The following HERC1 variants were observed in gnomAD, a reference collection of about 807,000 sequenced individuals.
The protein encoded by HERC1 is probable E3 ubiquitin-protein ligase HERC1.
HERC1 carries 160 observed loss-of-function variants against 554.3 expected under a neutral mutation model. That is an observed-to-expected ratio of 0.29 (90% CI 0.25 to 0.33). The LOEUF (loss-of-function observed/expected upper bound fraction) is 0.33, where lower values mean the gene tolerates loss of function less well. Ranked by LOEUF, HERC1 falls within the 10% of genes least tolerant of loss-of-function variation. The pLI, the probability that HERC1 is intolerant of heterozygous loss-of-function variation, is 1.00. For synonymous variants in HERC1, 2,175 were observed against 2,131.7 expected (o/e 1.02, Z -0.56); for missense variants, 4,919 against 5,918.5 (o/e 0.83, Z 5.54).
rs575945102 is a variant in HERC1, at chr15:63,643,488, A to T, written c.11247T>A (p.Pro3749=). The part of the protein sequence containing the change: ...CVYQLRGHIT[P]VRTVAFSSDG... ...CAGAACTAAAGGCAACAGTCCGAAC[A>T]GGAGTGATGTGTCCCCGCAGCTGAT... The change falls in exon 58 of 78, where the codon CCT becomes CCA. Residue 3749 remains proline (P), a synonymous_variant. Coordinates refer to ENST00000443617, the MANE Select transcript of HERC1 (RefSeq NM_003922.4). 1.9e-6 allele frequency: 3 copies of T among 1,612,208 alleles called. No homozygotes were observed. Among genetic ancestry groups the T allele is most frequent in the South Asian group, 2.2e-5 (2 of 90,704 alleles).
chr15:63,613,666 T>TTA (rs1182120786), intron 76 of HERC1, among the ~76,000 whole-genome samples: 3 of 151,398 alleles, frequency 2.0e-5, no homozygotes, highest in South Asian at 4.2e-4. Context: ...ATAAAATTTA[T>TTA]TATATATATA....
Position 63,649,744 on chromosome 15 carries a change from C to T in HERC1, c.10728G>A (p.Glu3576=). Residue 3576 remains glutamate (E), a synonymous_variant, in exon 54 of 78, where the codon GAG becomes GAA. Transcript: ENST00000443617. ...ATTTACCATCCTTTCGATAGCAATG[C>T]TCCAATTCTCGACGGTGCATGGTGG... is the stretch of plus-strand genomic sequence containing the variant. The part of the protein sequence containing the change: ...DVSTMHRREL[E]HCYRKDVSVT... 1 of 1,613,566 alleles carries T rather than the reference C, an allele frequency of 6.2e-7. No homozygotes were observed. Among genetic ancestry groups the T allele is most frequent in the Non-Finnish European group, 8.5e-7 (1 of 1,179,696 alleles).
chr15:63,649,676 G>C lies in HERC1; in HGVS notation c.10747+49C>G, dbSNP rs182858808. The C allele has an allele frequency of 4.6e-5, 68 of 1,480,444 alleles. 1 individual carries two copies. The Admixed American group carries it at 1.0e-3, about 22-fold the overall frequency. The allele number at this position is 1,480,444 out of a possible 1,614,324, so 91.7% of individuals were successfully genotyped here. Reference sequence around the variant, plus strand: ...AGCAAATGCCAAAAAGCTAAGTCTAGAAAGGAAGTTGGAGACTCCGTCAGC... The same window carrying C: ...AGCAAATGCCAAAAAGCTAAGTCTACAAAGGAAGTTGGAGACTCCGTCAGC... On this transcript the variant is annotated intron_variant, in intron 54 of 77. Coordinates refer to ENST00000443617, the MANE Select transcript of HERC1 (RefSeq NM_003922.4).
At chr15:63,720,323 A>G (rs1221895552) in intron 19 of HERC1, among the ~76,000 whole-genome samples, 3 of 151,996 alleles carry the variant, frequency 2.0e-5, no homozygotes, top group South Asian at 2.1e-4. Flanking sequence ...TTAACAATGT[A>G]GTATATTCAG....
intron 19 of HERC1, among the ~76,000 whole-genome samples, chr15:63,720,743 G>A (rs978970058): frequency 1.3e-5 from 2 of 152,034 alleles, no homozygotes; most frequent in Non-Finnish European, 2.9e-5. Context: ...GCTATTCTGA[G>A]AACTGCTATG....
intron 1 of HERC1, among the ~76,000 whole-genome samples, chr15:63,779,098 G>C (rs892911916): frequency 6.6e-6 from 1 of 151,636 alleles, no homozygotes; most frequent in African/African-American, 2.4e-5. Context: ...AAATGAAAAG[G>C]GTGAGAGAAA....
At position 63,739,915 on chromosome 15, in the gene HERC1, A is replaced by T. The variant is rs549810645; in HGVS notation, c.2521-5066T>A. Among the ~76,000 whole-genome samples, 58 of 147,378 alleles carry T rather than the reference A, an allele frequency of 3.9e-4. 1 individual carries two copies. In the East Asian group the frequency reaches 5.2e-3, roughly 13 times the overall value. The stretch of plus-strand genomic sequence containing the variant: ...CTGGCTTCTTCACTTAGCATATTTT[A>T]TTTTTTTTTTTTTCAGACAGAGTCT... On this transcript the variant is annotated intron_variant, in intron 12 of 77. Coordinates refer to ENST00000443617, the MANE Select transcript of HERC1 (RefSeq NM_003922.4).
chr15:63,694,491 T>C lies in HERC1; in HGVS notation c.5301A>G (p.Pro1767=), dbSNP rs908321539. 6.2e-7 allele frequency: 1 copy of C among 1,614,046 alleles called. No individual in the cohort carries two copies. The highest frequency in any genetic ancestry group is 8.5e-7 in the Non-Finnish European group (1 of 1,179,898). ...TGGAAATTGCCAAAGAAACATCTAC[T>C]GGTTGATAATGAACACTTAGGGCAA... ...TVFALSVHYQ[P]VDVSLAISTG... is the part of the protein sequence containing the mutation. The change falls in exon 29 of 78, where the codon CCA becomes CCG. Residue 1767 remains proline (P), a synonymous_variant. Coordinates refer to ENST00000443617, the MANE Select transcript of HERC1 (RefSeq NM_003922.4). The surrounding 1 kb of genome is among the most constrained non-coding windows in gnomAD (Gnocchi z 4.3).
At position 63,660,969 on chromosome 15, in the gene HERC1, C is replaced by T; in HGVS notation, c.9223+4G>A. 3 of 1,593,360 alleles carry T rather than the reference C, an allele frequency of 1.9e-6. No individual in the cohort carries two copies. Among genetic ancestry groups the T allele is most frequent in the Non-Finnish European group, 2.6e-6 (3 of 1,161,680 alleles). On this transcript the variant is annotated splice_donor_region_variant and intron_variant, in intron 46 of 77. Coordinates refer to ENST00000443617, the MANE Select transcript of HERC1 (RefSeq NM_003922.4). The stretch of plus-strand genomic sequence containing the variant: ...AAAATAAAGAAGCTCTCAAAACAAA[C>T]TACCTTCATACACACTGTCTTGCTT...
chr15:63,615,656 A>G (rs2067783619), intron 76 of HERC1, 112 bp downstream of exon 76: 1 of 696,970 alleles, frequency 1.4e-6, no homozygotes, highest in African/African-American at 1.9e-5. Flanking sequence ...ACATACATAC[A>G]GAGGAATTAA....
intron 1 of HERC1, among the ~76,000 whole-genome samples, chr15:63,794,570 A>G (rs1193200860): frequency 6.6e-6 from 1 of 152,186 alleles, no homozygotes; most frequent in Non-Finnish European, 1.5e-5. Context: ...CAAATTCATT[A>G]GCACACAAAA....
rs200768642 is a variant in HERC1, at chr15:63,753,007, T to G, written c.1853A>C (p.Lys618Thr). The G allele has an allele frequency of 1.9e-5, 30 of 1,613,600 alleles. No homozygotes were observed. The highest frequency in any genetic ancestry group is 2.5e-5 in the Non-Finnish European group (29 of 1,179,710). ...TGAAGACTGGCTCCCAGCACAAACT[T>G]TGCGAATGAACATTCCTTGTAAAGC... ...IEALQGMFIR[K>T]VCAGSQSSLA... The change falls in exon 8 of 78, where the codon AAA (lysine) becomes ACA (threonine). Residue 618 changes from lysine (K) to threonine (T), a missense_variant. Coordinates refer to ENST00000443617, the MANE Select transcript of HERC1 (RefSeq NM_003922.4).
At position 63,729,648 on chromosome 15, in the gene HERC1, T is replaced by A. The variant is rs1181673537; in HGVS notation, c.2870A>T (p.Asp957Val). ...TLLRNLGFYT[D>V]QAFGELEKNS... ...CTTTTCTAGCTCTCCAAATGCTTGA[T>A]CCTAAAATGACACACAAAGGAAGTT... is the stretch of plus-strand genomic sequence containing the variant. The change falls in exon 15 of 78, where the codon GAT becomes GTT. Residue 957 changes from aspartate to valine, a missense_variant and splice_region_variant. Physicochemically the swap from Asp to Val is radical, Grantham distance 152. This residue lies in a region of HERC1 where 744 missense variants were observed against 1,090.0 expected (regional missense o/e 0.68). Coordinates refer to ENST00000443617, the MANE Select transcript of HERC1 (RefSeq NM_003922.4). 2 of 1,613,504 alleles carry A rather than the reference T, an allele frequency of 1.2e-6. No homozygotes were observed.
intron 12 of HERC1, among the ~76,000 whole-genome samples, chr15:63,736,738 C>G (rs1384594764): frequency 1.3e-5 from 2 of 152,040 alleles, no homozygotes; most frequent in Non-Finnish European, 2.9e-5. Context: ...CCTTAAGTAG[C>G]TGGGATTACA....
chr15:63,678,466 G>A, intron 36 of HERC1, 101 bp from the exon 37 acceptor site: 2 of 1,355,276 alleles, frequency 1.5e-6, no homozygotes, highest in Admixed American at 2.9e-5. Context: ...CTAGTATTTG[G>A]GTCTCTTCAT....
At position 63,645,038 on chromosome 15, in the gene HERC1, T is replaced by C. The variant is rs546394617; in HGVS notation, c.11138A>G (p.Asn3713Ser). 53 of 1,613,848 alleles carry C rather than the reference T, an allele frequency of 3.3e-5. No homozygotes were observed. In the East Asian group the frequency reaches 3.3e-4, roughly 10 times the overall value. The change falls in exon 57 of 78, where the codon AAT (asparagine) becomes AGT (serine). Residue 3713 changes from asparagine (N) to serine (S), a missense_variant. By Grantham distance (46) the Asn-to-Ser change is conservative. Coordinates refer to ENST00000443617, the MANE Select transcript of HERC1 (RefSeq NM_003922.4). ...WRIPQDTTQT[N>S]VTSAEGWWEQ... ...CCACCATCCTTCTGCACTAGTCACA[T>C]TGGTCTGTGTAGTATCTTGAGGAAT...
chr15:63,797,285 CACAAG>C (rs2076841333), intron 1 of HERC1, among the ~76,000 whole-genome samples: 1 of 152,186 alleles, frequency 6.6e-6, no homozygotes, highest in Non-Finnish European at 1.5e-5. Context: ...GGCTAGAGGT[CACAAG>C]ACAAGTATAG....
intron 61 of HERC1, 100 bp downstream of exon 61, chr15:63,640,052 A>T: frequency 8.9e-7 from 1 of 1,119,080 alleles, no homozygotes; most frequent in Non-Finnish European, 1.3e-6. Flanking sequence ...GTATCCTTCT[A>T]GCCATGCATA....
chr15:63,754,657 A>G lies in HERC1; in HGVS notation c.1631-9T>C, dbSNP rs1320188681. ...ATTGCTGTCACCATGACCTTGGATA[A>G]AACACACACAACAACAAAGAAACAA... On this transcript the variant is annotated splice_polypyrimidine_tract_variant and intron_variant, in intron 6 of 77. Transcript: ENST00000443617. 6.2e-7 allele frequency: 1 copy of G among 1,609,004 alleles called. No homozygotes were observed. The highest frequency in any genetic ancestry group is 1.3e-5 in the African/African-American group (1 of 74,928).
Sources: gnomAD v4.1 joint callset for allele counts (sites outside exome capture counted in the v4.1 genomes callset) on GRCh38, gnomAD v4.1.1 for gene constraint, gnomAD v4.1.1 regional missense constraint, Gnocchi (gnomAD v3.1) non-coding constraint, MANE v1.5 for transcripts, NCBI Gene and HGNC (gene_info 2026-07-23, HGNC 2026-07-21) for gene names.